GDPD5: variants seen among roughly 807,000 people sequenced by gnomAD.
GDPD5 encodes the protein glycerophosphodiester phosphodiesterase 2.
Under a neutral mutation model 75.1 loss-of-function variants are expected in GDPD5, and 48 were observed. The observed-to-expected ratio is 0.64, with a 90% CI of 0.51 to 0.81. GDPD5 has a LOEUF of 0.81. GDPD5 is among the 40% of genes least tolerant of loss of function. The pLI is 0.00. For missense variants in GDPD5, 706 were observed against 822.6 expected (o/e 0.86, Z 1.73); for synonymous variants, 336 against 339.0 (o/e 0.99, Z 0.10).
At chr11:75,441,010 C>A (rs1948781611) in intron 14 of GDPD5, among the ~76,000 whole-genome samples, 153 bp downstream of exon 14, 1 of 152,206 alleles carries the variant, frequency 6.6e-6, no homozygotes, top group Non-Finnish European at 1.5e-5. Context: ...CCATGAAACC[C>A]TCATGCCTCA....
At chr11:75,464,419 G>A (rs139219420) in intron 3 of GDPD5, among the ~76,000 whole-genome samples, 215 of 152,296 alleles carry the variant, frequency 1.4e-3, no homozygotes, top group Non-Finnish European at 2.3e-3. Flanking sequence ...TCTCCAGAAC[G>A]TAGGAAAGGC....
intron 6 of GDPD5, among the ~76,000 whole-genome samples, chr11:75,453,803 G>C (rs1313032387): frequency 6.6e-6 from 1 of 152,098 alleles, no homozygotes; most frequent in Non-Finnish European, 1.5e-5. Flanking sequence ...ATTCTCAGTA[G>C]AGAGAGTTGG....
chr11:75,473,300 C>T (rs1168772572), intron 3 of GDPD5, among the ~76,000 whole-genome samples: 2 of 152,018 alleles, frequency 1.3e-5, no homozygotes, highest in Non-Finnish European at 2.9e-5. Context: ...ACTGAGAACG[C>T]TGTACTCTCA....
chr11:75,519,439 C>A (rs1426937985), intron 1 of GDPD5, among the ~76,000 whole-genome samples: 1 of 152,194 alleles, frequency 6.6e-6, no homozygotes, highest in African/African-American at 2.4e-5. Flanking sequence ...TTCCACGGAG[C>A]AGCTGCCCTT....
At chr11:75,472,513 T>C (rs1949691631) in intron 3 of GDPD5, among the ~76,000 whole-genome samples, 1 of 151,400 alleles carries the variant, frequency 6.6e-6, no homozygotes, top group South Asian at 2.1e-4. Context: ...ATCTGGGAGG[T>C]CCCTCTGGCT....
chr11:75,519,333 C>T (rs568865788), intron 1 of GDPD5, among the ~76,000 whole-genome samples: 18 of 152,328 alleles, frequency 1.2e-4, no homozygotes, highest in African/African-American at 4.3e-4. Flanking sequence ...CCCCACCCAG[C>T]GCCGGGCAAC....
intron 1 of GDPD5, among the ~76,000 whole-genome samples, chr11:75,491,977 A>G (rs1223194178): frequency 6.6e-6 from 1 of 152,104 alleles, no homozygotes; most frequent in Non-Finnish European, 1.5e-5. Context: ...GACCACCAGA[A>G]AGTTGGTGTG....
intron 1 of GDPD5, among the ~76,000 whole-genome samples, chr11:75,511,340 C>G (rs1950515259): frequency 6.6e-6 from 1 of 152,112 alleles, no homozygotes; most frequent in Admixed American, 6.5e-5. Flanking sequence ...ACTGCATTCT[C>G]AAGACGGTGT....
chr11:75,455,418 C>T, intron 6 of GDPD5: 1 of 455,280 alleles, frequency 2.2e-6, no homozygotes, highest in South Asian at 1.6e-5. Context: ...GCTCCTACCA[C>T]TCTAAGACTT....
chr11:75,510,920 C>T (rs759425955), intron 1 of GDPD5, among the ~76,000 whole-genome samples: 1 of 152,200 alleles, frequency 6.6e-6, no homozygotes, highest in Non-Finnish European at 1.5e-5. Flanking sequence ...TGTCACCCAC[C>T]CAAAGCAACG....
intron 2 of GDPD5, among the ~76,000 whole-genome samples, chr11:75,484,076 T>TGTA (rs1182038091): frequency 2.6e-4 from 40 of 152,010 alleles, no homozygotes; most frequent in Non-Finnish European, 4.1e-4. Flanking sequence ...TAATCCCAGC[T>TGTA]ATTTGGGAGG....
chr11:75,467,613 G>A (rs942800028), intron 3 of GDPD5, among the ~76,000 whole-genome samples: 2 of 152,100 alleles, frequency 1.3e-5, no homozygotes, highest in Admixed American at 1.3e-4. Flanking sequence ...CAGGAGGAGT[G>A]TGCTGGAGAC....
chr11:75,441,367 T>G, intron 13 of GDPD5, 57 bp from the exon 14 acceptor site: 2 of 1,598,000 alleles, frequency 1.3e-6, no homozygotes, highest in Non-Finnish European at 1.7e-6. Flanking sequence ...CCAGGCCCAG[T>G]GTCGGGGCTG....
intron 1 of GDPD5, among the ~76,000 whole-genome samples, chr11:75,491,354 T>C (rs777404161): frequency 1.3e-5 from 2 of 152,238 alleles, no homozygotes; most frequent in African/African-American, 4.8e-5. Context: ...TCCTAAGGCC[T>C]AAGTGGCAGA....
intron 6 of GDPD5, chr11:75,450,377 A>G (rs1949109754): frequency 1.2e-5 from 3 of 255,696 alleles, no homozygotes; most frequent in African/African-American, 6.8e-5. Flanking sequence ...ATGGCACAGC[A>G]GAGGAGGAAA....
At chr11:75,436,136 C>T (rs1206976299) in intron 16 of GDPD5, among the ~76,000 whole-genome samples, 1 of 152,158 alleles carries the variant, frequency 6.6e-6, no homozygotes, top group African/African-American at 2.4e-5. Flanking sequence ...GCTGCCTGGG[C>T]CCCCAAAATA....
intron 4 of GDPD5, among the ~76,000 whole-genome samples, chr11:75,460,079 C>T (rs1949379310): frequency 6.6e-6 from 1 of 151,834 alleles, no homozygotes; most frequent in African/African-American, 2.4e-5. Context: ...CCTTACCATA[C>T]CGTTGGGAAA....
At chr11:75,501,345 C>A (rs1950300915) in intron 1 of GDPD5, among the ~76,000 whole-genome samples, 1 of 152,242 alleles carries the variant, frequency 6.6e-6, no homozygotes, top group Admixed American at 6.5e-5. Flanking sequence ...TGTGCAAACA[C>A]ATGCGAACAC....
chr11:75,439,994 T>A, intron 14 of GDPD5, 33 bp from the exon 15 acceptor site: 1 of 1,542,960 alleles, frequency 6.5e-7, no homozygotes, highest in Non-Finnish European at 8.9e-7. Context: ...CAACTTCCAG[T>A]CATGGCCAGT....
Sources: gnomAD v4.1 joint callset for allele counts (sites outside exome capture counted in the v4.1 genomes callset) on GRCh38, gnomAD v4.1.1 for gene constraint, MANE v1.5 for transcripts, NCBI Gene and HGNC (gene_info 2026-07-23, HGNC 2026-07-21) for gene names.